ENO4: variants seen among roughly 807,000 people sequenced by gnomAD.
ENO4 encodes 2-phospho-D-glycerate hydro-lyase.
Under a neutral mutation model 63.2 loss-of-function variants are expected in ENO4, and 53 were observed. That is an observed-to-expected ratio of 0.84 (90% confidence interval 0.67 to 1.05). The LOEUF is 1.05. ENO4 is among the 50% of genes least tolerant of loss of function. The pLI, the probability that ENO4 is intolerant of heterozygous loss-of-function variation, is 0.00. For synonymous variants in ENO4, 266 were observed against 283.8 expected, an observed-to-expected ratio of 0.94 and a Z score of 0.63; for missense variants, 719 against 772.0, an observed-to-expected ratio of 0.93 and a Z score of 0.81.
chr10:116,882,510 A>C lies in ENO4; in HGVS notation c.*841A>C, dbSNP rs1365397943. The stretch of plus-strand genomic sequence containing the variant: ...GCAGAAATAAATATATTCAGACACA[A>C]ACATATAGATATAATAATATCCAAC... On this transcript the variant is annotated 3_prime_UTR_variant, in exon 14 of 14. Transcript: ENST00000341276. The C allele has an allele frequency of 6.6e-6, 1 of 152,164 alleles. No homozygotes were observed. The highest frequency in any genetic ancestry group is 1.5e-5 in the Non-Finnish European group (1 of 68,032). The allele number at this position is 152,164 out of a possible 1,614,324, so 9.4% of individuals were successfully genotyped here.
intron 10 of ENO4, among the ~76,000 whole-genome samples, chr10:116,899,751 T>C (rs1847664962): frequency 6.6e-6 from 1 of 152,184 alleles, no homozygotes; most frequent in Non-Finnish European, 1.5e-5. Context: ...GGAAATACTT[T>C]ACTTATTAAT....
chr10:116,908,921 T>C (rs74159004), intron 10 of ENO4, among the ~76,000 whole-genome samples: 1 of 152,086 alleles, frequency 6.6e-6, no homozygotes, highest in Non-Finnish European at 1.5e-5. Context: ...AGCTAACATA[T>C]GAGTAAACTT....
intron 10 of ENO4, among the ~76,000 whole-genome samples, chr10:116,911,032 T>C (rs1848169260): frequency 6.6e-6 from 1 of 152,232 alleles, no homozygotes; most frequent in South Asian, 2.1e-4. Context: ...GTATTCAGTC[T>C]TGTACCTCCG....
intron 10 of ENO4, among the ~76,000 whole-genome samples, chr10:116,899,077 G>T (rs1847625297): frequency 6.6e-6 from 1 of 152,098 alleles, no homozygotes; most frequent in Non-Finnish European, 1.5e-5. Flanking sequence ...TATTCAAAAA[G>T]AATTTATTGA....
chr10:116,863,314 G>T (rs1050652242), intron 7 of ENO4, among the ~76,000 whole-genome samples: 11 of 151,432 alleles, frequency 7.3e-5, no homozygotes, highest in Non-Finnish European at 1.6e-4. Flanking sequence ...GATATGGAAG[G>T]GCTGAGGCCA....
intron 10 of ENO4, chr10:116,901,792 C>T (rs1847747954): frequency 1.9e-6 from 3 of 1,602,994 alleles, no homozygotes; most frequent in Non-Finnish European, 2.5e-6. Flanking sequence ...ACTTGTGCAT[C>T]CTTCCAATTT....
downstream of ENO4, chr10:116,884,516 G>C: frequency 1.2e-5 from 4 of 325,532 alleles, no homozygotes; most frequent in South Asian, 9.8e-5. Context: ...AGAAAGGAGG[G>C]TATTTTGATA....
chr10:116,907,820 A>G, intron 10 of ENO4: 1 of 500,034 alleles, frequency 2.0e-6, no homozygotes, highest in Non-Finnish European at 4.0e-6. Context: ...GTCAAAAGAC[A>G]GCTTTTGTCC....
chr10:116,883,322 C>T (rs72831678), downstream of ENO4: 48 of 152,050 alleles, frequency 3.2e-4, no homozygotes, highest in Non-Finnish European at 5.7e-4. Context: ...ATAATATTAT[C>T]TGTGAAAGAA....
chr10:116,879,360 T>C lies in ENO4; in HGVS notation c.1605+2T>C. The C allele has an allele frequency of 6.5e-7, 1 of 1,548,432 alleles. No individual in the cohort carries two copies. The highest frequency in any genetic ancestry group is 2.4e-5 in the East Asian group (1 of 40,878). On this transcript the variant is annotated splice_donor_variant, in intron 12 of 13. Coordinates refer to ENST00000341276, the MANE Select transcript of ENO4 (RefSeq NM_001242699.2). LOFTEE classifies it high-confidence loss of function. ...TCTGATGACAGCCTTGTCGATTTGG[T>C]AAGTGCTGAATGCTGGTCAACTGCC...
chr10:116,911,126 A>G (rs146647528), intron 10 of ENO4, among the ~76,000 whole-genome samples: 205 of 152,340 alleles, frequency 1.3e-3, no homozygotes, highest in Non-Finnish European at 2.0e-3. Context: ...TAGTATCTGA[A>G]ACATTTTCTA....
rs1313995987 is a variant in ENO4, at chr10:116,861,234, AAAATATAT to A, written c.936+46_936+53del. ...AATTACCTTTTCTAAAAAAAAAAAA[AAAATATAT>A]ATATATATATATATACTCCGTCATT... On this transcript the variant is annotated intron_variant, in intron 6 of 13. Coordinates refer to ENST00000341276, the MANE Select transcript of ENO4 (RefSeq NM_001242699.2). The A allele has an allele frequency of 9.9e-5, 40 of 404,252 alleles. No individual in the cohort carries two copies. The Middle Eastern group carries it at 3.0e-3, about 30-fold the overall frequency. The allele number at this position is 404,252 out of a possible 1,614,324, so 25.0% of individuals were successfully genotyped here.
intron 10 of ENO4, chr10:116,901,135 A>C (rs1161333911): frequency 2.0e-6 from 2 of 985,268 alleles, no homozygotes; most frequent in Non-Finnish European, 2.4e-6. Context: ...AAGAGAACTA[A>C]AGCAAAACTG....
downstream of ENO4, chr10:116,886,185 T>C (rs1847157043): frequency 9.8e-7 from 1 of 1,015,936 alleles, no homozygotes; most frequent in Admixed American, 2.9e-5. Flanking sequence ...AGCTTACTTA[T>C]GTTTATAGTT....
intron 10 of ENO4, among the ~76,000 whole-genome samples, chr10:116,899,544 TGTGAGA>T (rs142160236): frequency 0.15 from 14,489 of 98,804 alleles, 981 homozygotes; most frequent in Admixed American, 0.27. Flanking sequence ...TGTGTGTGTG[TGTGAGA>T]GAGTGCATGC....
chr10:116,883,983 C>T (rs1847093204), downstream of ENO4: 1 of 217,776 alleles, frequency 4.6e-6, no homozygotes, highest in Admixed American at 5.2e-5. Context: ...TATCTCTGTT[C>T]CTCACTCGGG....
chr10:116,910,553 T>C (rs1848151417), intron 10 of ENO4, among the ~76,000 whole-genome samples: 1 of 152,216 alleles, frequency 6.6e-6, no homozygotes. Context: ...TATTATCATA[T>C]GTACCTCATA....
At chr10:116,859,318 T>C (rs1004314892) in intron 4 of ENO4, among the ~76,000 whole-genome samples, 180 bp downstream of exon 4, 1 of 152,226 alleles carries the variant, frequency 6.6e-6, no homozygotes, top group East Asian at 1.9e-4. Flanking sequence ...CACTCTCCTT[T>C]TTATTTGTAA....
At chr10:116,899,659 C>T (rs1564865213) in intron 10 of ENO4, among the ~76,000 whole-genome samples, 2 of 152,108 alleles carry the variant, frequency 1.3e-5, no homozygotes, top group Admixed American at 6.6e-5. Context: ...GCGCCACTCA[C>T]GTGAAACACT....
Sources: gnomAD v4.1 joint callset for allele counts (sites outside exome capture counted in the v4.1 genomes callset) on GRCh38, gnomAD v4.1.1 for gene constraint, MANE v1.5 for transcripts, NCBI Gene and HGNC (gene_info 2026-07-23, HGNC 2026-07-21) for gene names.